The following CNTN6 variants were observed in gnomAD, a reference collection of about 807,000 sequenced individuals.
CNTN6 encodes contactin-6.
CNTN6 carries 137 observed loss-of-function variants against 122.8 expected under a neutral mutation model. The ratio of observed to expected loss-of-function variants is 1.12; its 90% CI spans 0.97 to 1.29. CNTN6 has a LOEUF of 1.29. CNTN6 is among the 50% of genes most tolerant of loss of function. The probability of loss-of-function intolerance (pLI) is 0.00; values close to 1 mark genes in which losing one functional copy is unlikely to be tolerated. For synonymous variants in CNTN6, 570 were observed against 426.0 expected, an observed-to-expected ratio of 1.34 and a Z score of -4.16; for missense variants, 1,634 against 1,223.4, an observed-to-expected ratio of 1.34 and a Z score of -5.01.
chr3:1,125,529 G>A (rs1187331617), intron 1 of CNTN6, among the ~76,000 whole-genome samples: 1 of 151,832 alleles, frequency 6.6e-6, no homozygotes, highest in African/African-American at 2.4e-5. Flanking sequence ...GGCAATGTGA[G>A]TATTATGCAG....
chr3:1,350,722 C>T (rs923375393), intron 11 of CNTN6, among the ~76,000 whole-genome samples: 5 of 151,502 alleles, frequency 3.3e-5, no homozygotes, highest in Admixed American at 2.6e-4. Context: ...TTCTTGGTGG[C>T]CTTTAGATAT....
chr3:1,110,561 A>T (rs1267645762), intron 1 of CNTN6, among the ~76,000 whole-genome samples: 1 of 152,140 alleles, frequency 6.6e-6, no homozygotes, highest in Non-Finnish European at 1.5e-5. Context: ...GGGGAAAAAG[A>T]AATTCCTTAT....
intron 2 of CNTN6, among the ~76,000 whole-genome samples, chr3:1,208,509 T>C (rs2093988489): frequency 6.6e-6 from 1 of 152,120 alleles, no homozygotes; most frequent in Admixed American, 6.6e-5. Context: ...CTTCCTTCTC[T>C]GGGCTCCTTT....
At chr3:1,250,323 C>G (rs1290674109) in intron 4 of CNTN6, among the ~76,000 whole-genome samples, 1 of 152,178 alleles carries the variant, frequency 6.6e-6, no homozygotes, top group Non-Finnish European at 1.5e-5. Context: ...AGAAGCATCT[C>G]ACTTCTACCT....
At chr3:1,378,912 C>T (rs1710259791) in intron 17 of CNTN6, among the ~76,000 whole-genome samples, 1 of 152,128 alleles carries the variant, frequency 6.6e-6, no homozygotes, top group African/African-American at 2.4e-5. Context: ...ATACCTACTA[C>T]TCCAAACATA....
intron 4 of CNTN6, among the ~76,000 whole-genome samples, chr3:1,274,112 T>C (rs1417425675): frequency 6.6e-6 from 1 of 152,194 alleles, no homozygotes; most frequent in East Asian, 1.9e-4. Context: ...CTTAAAATTG[T>C]CACCTATGAT....
At chr3:1,130,365 AG>A (rs2125097133) in intron 1 of CNTN6, among the ~76,000 whole-genome samples, 1 of 152,198 alleles carries the variant, frequency 6.6e-6, no homozygotes, top group East Asian at 1.9e-4. Context: ...CCCTGACTGA[AG>A]GCTATTTTCT....
chr3:1,094,280 A>G (rs1487334357), intron 1 of CNTN6, among the ~76,000 whole-genome samples: 1 of 152,148 alleles, frequency 6.6e-6, no homozygotes, highest in East Asian at 1.9e-4. Context: ...CTCCTCCTTC[A>G]CACACATGTG....
At chr3:1,377,884 G>T (rs1248500500) in intron 17 of CNTN6, among the ~76,000 whole-genome samples, 1 of 152,102 alleles carries the variant, frequency 6.6e-6, no homozygotes, top group East Asian at 1.9e-4. Context: ...TCTAGTTATG[G>T]CAAATTATCA....
chr3:1,372,997 C>T (rs766037568), intron 14 of CNTN6, 42 bp downstream of exon 14: 1 of 1,130,964 alleles, frequency 8.8e-7, no homozygotes, highest in African/African-American at 1.6e-5. Context: ...TGTTTCTTCA[C>T]AGTTACAGTG....
chr3:1,194,495 T>C (rs1179572565), intron 2 of CNTN6, among the ~76,000 whole-genome samples: 1 of 152,136 alleles, frequency 6.6e-6, no homozygotes, highest in Admixed American at 6.6e-5. Flanking sequence ...CATTAATATA[T>C]TAATATGCTA....
At chr3:1,220,034 A>AAAT (rs1559537877) in intron 2 of CNTN6, among the ~76,000 whole-genome samples, 4 of 151,514 alleles carry the variant, frequency 2.6e-5, no homozygotes, top group South Asian at 2.1e-4. Flanking sequence ...AAGAAAAAAA[A>AAAT]TATCAACTGG....
At chr3:1,264,897 C>G (rs1042194480) in intron 4 of CNTN6, among the ~76,000 whole-genome samples, 18 of 152,098 alleles carry the variant, frequency 1.2e-4, no homozygotes, top group African/African-American at 4.1e-4. Flanking sequence ...TGGTAACCAC[C>G]ATTCTACTCT....
chr3:1,140,035 C>G (rs768573287), intron 1 of CNTN6, among the ~76,000 whole-genome samples: 33 of 152,120 alleles, frequency 2.2e-4, no homozygotes, highest in Non-Finnish European at 3.7e-4. Flanking sequence ...ACAATATCAC[C>G]CACTTATTTC....
intron 5 of CNTN6, among the ~76,000 whole-genome samples, chr3:1,280,274 C>T (rs1404113560): frequency 6.6e-6 from 1 of 151,868 alleles, no homozygotes; most frequent in East Asian, 1.9e-4. Context: ...TCCTTGTTAC[C>T]TTGTCACCTA....
At chr3:1,169,276 T>C (rs9861374) in intron 2 of CNTN6, among the ~76,000 whole-genome samples, 2,011 of 152,252 alleles carry the variant, frequency 0.013, 44 homozygotes, top group African/African-American at 0.045. Context: ...AAAGGTGACA[T>C]AGTCTAAAAG....
rs548951548 is a variant in CNTN6, at chr3:1,199,872, A to G, written c.56-20815A>G. Among the ~76,000 whole-genome samples, 25 of 152,294 alleles carry G rather than the reference A, an allele frequency of 1.6e-4. 1 individual carries two copies. The South Asian group carries it at 5.2e-3, about 32-fold the overall frequency. ...TTAAACAGTCAATTTCTTCCATTCT[A>G]CCACCAAAAGAAACAAATAAAATAA... On this transcript the variant is annotated intron_variant, in intron 2 of 22. Coordinates refer to ENST00000446702, the MANE Select transcript of CNTN6 (RefSeq NM_001289080.2).
At chr3:1,147,417 G>A (rs983867063) in intron 1 of CNTN6, among the ~76,000 whole-genome samples, 1 of 152,078 alleles carries the variant, frequency 6.6e-6, no homozygotes, top group African/African-American at 2.4e-5. Flanking sequence ...ACAGAACATG[G>A]ACATAGATAA....
intron 11 of CNTN6, among the ~76,000 whole-genome samples, chr3:1,331,536 C>T (rs1702291527): frequency 6.6e-6 from 1 of 151,948 alleles, no homozygotes; most frequent in Non-Finnish European, 1.5e-5. Flanking sequence ...TTGCTCCCAA[C>T]AGATTTAGAT....
Sources: gnomAD v4.1 joint callset for allele counts (sites outside exome capture counted in the v4.1 genomes callset) on GRCh38, gnomAD v4.1.1 for gene constraint, MANE v1.5 for transcripts, NCBI Gene and HGNC (gene_info 2026-07-23, HGNC 2026-07-21) for gene names.